NXPH1: variants seen among roughly 807,000 people sequenced by gnomAD.
The protein encoded by NXPH1 is neurexophilin 1.
NXPH1 carries 5 observed loss-of-function variants against 23.7 expected under a neutral mutation model. The observed-to-expected ratio is 0.21, with a 90% CI of 0.11 to 0.44. The LOEUF (loss-of-function observed/expected upper bound fraction) is 0.44. Ranked by LOEUF, NXPH1 falls within the 20% of genes least tolerant of loss-of-function variation. The pLI is 0.99. For synonymous variants in NXPH1, 144 were observed against 122.2 expected, an observed-to-expected ratio of 1.18 and a Z score of -1.18; for missense variants, 324 against 321.6, an observed-to-expected ratio of 1.01 and a Z score of -0.06.
At chr7:8,610,596 G>A (rs565203437) in intron 2 of NXPH1, among the ~76,000 whole-genome samples, 1 of 152,206 alleles carries the variant, frequency 6.6e-6, no homozygotes, top group East Asian at 1.9e-4. Flanking sequence ...GAAAGAAGGA[G>A]AATATGTATC....
At chr7:8,718,843 C>G (rs1779919379) in intron 2 of NXPH1, among the ~76,000 whole-genome samples, 2 of 152,078 alleles carry the variant, frequency 1.3e-5, no homozygotes, top group South Asian at 4.1e-4. Context: ...CTTTTTGTAT[C>G]ACATCCACCA....
intron 2 of NXPH1, among the ~76,000 whole-genome samples, chr7:8,499,421 A>G (rs1057241039): frequency 6.6e-5 from 10 of 152,040 alleles, no homozygotes; most frequent in African/African-American, 1.9e-4. Context: ...GGGCCCTGAT[A>G]CAAACAGCAG....
intron 2 of NXPH1, among the ~76,000 whole-genome samples, chr7:8,510,250 T>C (rs1181342788): frequency 6.6e-6 from 1 of 152,182 alleles, no homozygotes; most frequent in Non-Finnish European, 1.5e-5. Context: ...TGTTTATAAG[T>C]CAATGATGAA....
At chr7:8,561,229 A>G (rs1018152042) in intron 2 of NXPH1, among the ~76,000 whole-genome samples, 1 of 151,390 alleles carries the variant, frequency 6.6e-6, no homozygotes, top group Admixed American at 6.6e-5. Context: ...TCTAGCAAGG[A>G]GATTTGGTTG....
chr7:8,662,070 A>G (rs1820684696), intron 2 of NXPH1, among the ~76,000 whole-genome samples: 1 of 151,926 alleles, frequency 6.6e-6, no homozygotes, highest in South Asian at 2.1e-4. Flanking sequence ...TTCCAACCAA[A>G]AAGTTGCTCA....
chr7:8,634,875 G>C (rs6944124), intron 2 of NXPH1, among the ~76,000 whole-genome samples: 2 of 151,998 alleles, frequency 1.3e-5, no homozygotes, highest in Non-Finnish European at 2.9e-5. Flanking sequence ...CCAGAATTCA[G>C]ATGTTTCAAC....
intron 2 of NXPH1, among the ~76,000 whole-genome samples, chr7:8,684,783 T>A (rs1331792911): frequency 6.6e-6 from 1 of 152,184 alleles, no homozygotes; most frequent in Non-Finnish European, 1.5e-5. Context: ...TGGAAACCAT[T>A]TTGTTTAGCT....
intron 2 of NXPH1, among the ~76,000 whole-genome samples, chr7:8,584,348 A>G (rs1026139568): frequency 1.3e-5 from 2 of 152,246 alleles, no homozygotes; most frequent in African/African-American, 4.8e-5. Flanking sequence ...CTGTAGGAGC[A>G]CAGAATAGCT....
At chr7:8,461,675 A>C (rs1248432769) in intron 2 of NXPH1, among the ~76,000 whole-genome samples, 1 of 150,220 alleles carries the variant, frequency 6.7e-6, no homozygotes. Context: ...CTAAAAATAC[A>C]AAAAATTAGC....
chr7:8,618,385 G>A (rs559444996), intron 2 of NXPH1, among the ~76,000 whole-genome samples: 1 of 152,256 alleles, frequency 6.6e-6, no homozygotes, highest in African/African-American at 2.4e-5. Flanking sequence ...GCCATTGAAT[G>A]CATCTTTTAG....
intron 2 of NXPH1, among the ~76,000 whole-genome samples, chr7:8,656,263 A>G (rs1820580240): frequency 1.3e-5 from 2 of 152,352 alleles, no homozygotes; most frequent in Middle Eastern, 3.4e-3. Flanking sequence ...TTGCTTTTGC[A>G]TCACAAAAAC....
intron 2 of NXPH1, among the ~76,000 whole-genome samples, chr7:8,722,801 C>T (rs922962257): frequency 6.6e-6 from 1 of 152,144 alleles, no homozygotes; most frequent in African/African-American, 2.4e-5. Flanking sequence ...TGCTCCTAAC[C>T]ATCTTGATAG....
At chr7:8,728,450 A>T (rs932129067) in intron 2 of NXPH1, among the ~76,000 whole-genome samples, 4 of 152,202 alleles carry the variant, frequency 2.6e-5, no homozygotes, top group Non-Finnish European at 5.9e-5. Context: ...GTTTTTGCCC[A>T]TTCAGTATGA....
At chr7:8,631,141 T>C (rs1195242993) in intron 2 of NXPH1, among the ~76,000 whole-genome samples, 1 of 152,200 alleles carries the variant, frequency 6.6e-6, no homozygotes, top group Non-Finnish European at 1.5e-5. Context: ...TATTCTATGG[T>C]TTATATGTAC....
chr7:8,569,105 C>A (rs2128621812), intron 2 of NXPH1, among the ~76,000 whole-genome samples: 1 of 151,968 alleles, frequency 6.6e-6, no homozygotes, highest in East Asian at 1.9e-4. Flanking sequence ...TCACATCAAT[C>A]TACTAATTTG....
intron 2 of NXPH1, among the ~76,000 whole-genome samples, chr7:8,490,410 G>T (rs1383226475): frequency 3.6e-5 from 5 of 139,764 alleles, no homozygotes; most frequent in African/African-American, 5.1e-5. Flanking sequence ...TACACAGGCT[G>T]TTTTTTTTTT....
intron 2 of NXPH1, among the ~76,000 whole-genome samples, chr7:8,528,632 A>G (rs1177384526): frequency 6.6e-6 from 1 of 152,170 alleles, no homozygotes. Context: ...TCTTTGAAGG[A>G]ACAGCTTTAG....
chr7:8,496,497 C>A (rs535781749), intron 2 of NXPH1, among the ~76,000 whole-genome samples: 2 of 152,116 alleles, frequency 1.3e-5, no homozygotes, highest in East Asian at 3.9e-4. Flanking sequence ...CAAGAGTGGG[C>A]AGAAGAGCCT....
chr7:8,634,690 T>TAGGG (rs1820191298), intron 2 of NXPH1, among the ~76,000 whole-genome samples: 1 of 109,674 alleles, frequency 9.1e-6, no homozygotes, highest in Non-Finnish European at 2.0e-5. Flanking sequence ...TTTTTTTTTT[T>TAGGG]TTTTTCCAAA....
Sources: allele counts gnomAD v4.1 joint callset (sites outside exome capture counted in the v4.1 genomes callset), GRCh38; gene constraint gnomAD v4.1.1; transcripts MANE v1.5; gene names NCBI Gene and HGNC (gene_info 2026-07-23, HGNC 2026-07-21).